EMID1: variants seen among roughly 807,000 people sequenced by gnomAD.
EMID1 encodes the protein EMI domain containing 1, also known as EMI domain-containing protein 1.
In EMID1, 40 loss-of-function variants were observed where a neutral mutation model predicts 60.6. The observed-to-expected ratio is 0.66, with a 90% CI of 0.51 to 0.86. The LOEUF (loss-of-function observed/expected upper bound fraction) is 0.86. Ranked by LOEUF, EMID1 falls within the 40% of genes least tolerant of loss-of-function variation. The pLI is 0.00. For missense variants in EMID1, 585 were observed against 597.1 expected, an observed-to-expected ratio of 0.98 and a Z score of 0.21; for synonymous variants, 242 against 231.0, an observed-to-expected ratio of 1.05 and a Z score of -0.43.
intron 12 of EMID1, among the ~76,000 whole-genome samples, chr22:29,238,395 C>G (rs887670488): frequency 1.4e-5 from 2 of 140,396 alleles, no homozygotes; most frequent in Non-Finnish European, 3.0e-5. Flanking sequence ...GCTGGGACTA[C>G]TGTCATGTGC....
chr22:29,257,832 AGCCATGATCCCAGCTGGCATTGGG>A (rs1388783398), intron 14 of EMID1, among the ~76,000 whole-genome samples: 11 of 152,198 alleles, frequency 7.2e-5, no homozygotes, highest in Non-Finnish European at 1.6e-4. Context: ...AGTGGGACCA[AGCCATGATCCCAGCTGGCATTGGG>A]GCCAGTGCTC....
chr22:29,206,151 CG>C lies in EMID1; in HGVS notation c.101+14del. On this transcript the variant is annotated intron_variant, in intron 1 of 14. Coordinates refer to ENST00000334018, the MANE Select transcript of EMID1 (RefSeq NM_133455.4). ...TTCTCCGGACGCAGGTAAGAGCTCC[CG>C]GCGCCTTTGCACCCCGCTGGCCGAG... The C allele has an allele frequency of 8.1e-7, 1 of 1,229,512 alleles. No homozygotes were observed. The highest frequency in any genetic ancestry group is 4.1e-5 in the South Asian group (1 of 24,284). The allele number at this position is 1,229,512 out of a possible 1,614,324, so 76.2% of individuals were successfully genotyped here.
chr22:29,231,192 C>T (rs374100140), intron 6 of EMID1, 52 bp downstream of exon 6: 59 of 1,537,500 alleles, frequency 3.8e-5, no homozygotes, highest in Non-Finnish European at 4.7e-5. Context: ...GGTTGGGAAT[C>T]GGGGAAGTGG....
At chr22:29,231,502 C>A in intron 6 of EMID1, 91 bp from the exon 7 acceptor site, 1 of 1,383,898 alleles carries the variant, frequency 7.2e-7, no homozygotes, top group Non-Finnish European at 1.0e-6. Context: ...GCTGCTTCCC[C>A]GAAATGGTAG....
chr22:29,224,126 C>T (rs535416494), intron 3 of EMID1, among the ~76,000 whole-genome samples: 42 of 152,228 alleles, frequency 2.8e-4, no homozygotes, highest in Non-Finnish European at 5.4e-4. Flanking sequence ...GAGTGAAGGC[C>T]CCACAATGGG....
intron 12 of EMID1, 41 bp from the exon 13 acceptor site, chr22:29,243,404 C>T (rs539402042): frequency 1.2e-5 from 20 of 1,608,186 alleles, no homozygotes; most frequent in Non-Finnish European, 1.7e-6. Context: ...TTTCTGTCTC[C>T]TTGCCTTCCT....
intron 1 of EMID1, among the ~76,000 whole-genome samples, chr22:29,214,194 A>T (rs1002415796): frequency 6.6e-6 from 1 of 152,174 alleles, no homozygotes. Flanking sequence ...CTCCTCTTGC[A>T]TGCTGGCGGA....
At chr22:29,210,915 AC>A (rs1490908695) in intron 1 of EMID1, among the ~76,000 whole-genome samples, 1 of 151,782 alleles carries the variant, frequency 6.6e-6, no homozygotes, top group Non-Finnish European at 1.5e-5. Flanking sequence ...GGCCAACAGT[AC>A]CCTGCTGGGC....
At chr22:29,245,797 T>C (rs1013432316) in intron 13 of EMID1, among the ~76,000 whole-genome samples, 8 of 152,144 alleles carry the variant, frequency 5.3e-5, no homozygotes, top group Admixed American at 2.6e-4. Flanking sequence ...TCTCACCCCT[T>C]ATTCAGACAG....
chr22:29,222,640 G>A (rs2040341832), intron 3 of EMID1, among the ~76,000 whole-genome samples: 1 of 151,734 alleles, frequency 6.6e-6, no homozygotes, highest in Non-Finnish European at 1.5e-5. Context: ...CTGACCTCAG[G>A]TGATCCACCC....
chr22:29,253,656 G>A (rs922667750), intron 13 of EMID1, among the ~76,000 whole-genome samples: 1 of 152,218 alleles, frequency 6.6e-6, no homozygotes, highest in African/African-American at 2.4e-5. Flanking sequence ...CCCATTGAAA[G>A]TCAAGGAACA....
rs772720530 is a variant in EMID1, at chr22:29,258,819, C to A, written c.1207C>A (p.Pro403Thr). 1.9e-6 allele frequency: 3 copies of A among 1,613,000 alleles called. No individual in the cohort carries two copies. The African/African-American group carries it at 4.0e-5, about 22-fold the overall frequency. Residue 403 changes from proline to threonine, a missense_variant and splice_region_variant, in exon 15 of 15, where the codon CCA becomes ACA. By Grantham distance (38) the Pro-to-Thr change is conservative. Transcript: ENST00000334018. ...ILETMIGLYE[P>T]ELGSGAGPAG... ...TCTCTCCTTCTTCCCTCCGGCAGAA[C>A]CAGAGCTGGGGTCTGGGGCGGGCCC... is the stretch of plus-strand genomic sequence containing the variant.
At chr22:29,248,236 GGT>G (rs1273002822) in intron 13 of EMID1, among the ~76,000 whole-genome samples, 2 of 149,658 alleles carry the variant, frequency 1.3e-5, no homozygotes, top group East Asian at 3.9e-4. Flanking sequence ...TAGGATTCCA[GGT>G]GTGAGACACT....
At position 29,237,476 on chromosome 22, in the gene EMID1, C is replaced by T. The variant is rs539885000; in HGVS notation, c.1074+3127C>T. Reference sequence around the variant, plus strand: ...GGTTACAGGTGTGAGCCACCATGCCCGGCCATGCTCCTCCTTTCTTTATGT... The same window carrying T: ...GGTTACAGGTGTGAGCCACCATGCCTGGCCATGCTCCTCCTTTCTTTATGT... On this transcript the variant is annotated intron_variant, in intron 12 of 14. Coordinates refer to ENST00000334018, the MANE Select transcript of EMID1 (RefSeq NM_133455.4). 1.2e-4 allele frequency among the ~76,000 whole-genome samples: 17 copies of T among 144,272 alleles called. 2 individuals carry two copies. The highest frequency in any genetic ancestry group is 3.5e-3 in the Middle Eastern group (1 of 288). 94.6% of individuals were successfully genotyped at this position (144,272 alleles called of 152,430 possible). A position where few individuals can be genotyped will look rare whatever the true frequency, so the allele number is the denominator to read the frequency against.
chr22:29,245,421 C>T lies in EMID1; in HGVS notation c.1119+1932C>T, dbSNP rs534022547. ...ATGCCCTGGCCACCCTAGACCAGTCCTTGAACCCAGAACCACCTGTGGGCT... is the reference window on the plus strand; with the variant it reads ...ATGCCCTGGCCACCCTAGACCAGTCTTTGAACCCAGAACCACCTGTGGGCT... On this transcript the variant is annotated intron_variant, in intron 13 of 14. Coordinates refer to ENST00000334018, the MANE Select transcript of EMID1 (RefSeq NM_133455.4). 3.3e-5 allele frequency among the ~76,000 whole-genome samples: 5 copies of T among 152,310 alleles called. No individual in the cohort carries two copies. The South Asian group carries it at 1.0e-3, about 32-fold the overall frequency.
In EMID1 at chr22:29,230,999, C is replaced by T. The variant is rs776046646; in HGVS notation, c.466-21C>T. On this transcript the variant is annotated intron_variant, in intron 5 of 14. Coordinates refer to ENST00000334018, the MANE Select transcript of EMID1 (RefSeq NM_133455.4). The stretch of plus-strand genomic sequence containing the variant: ...CCTAGTGAGACCCTGGTACCCACCC[C>T]GTCCCTGTCTTCCTCTTCAGATGAC... The T allele has an allele frequency of 1.2e-5, 19 of 1,607,370 alleles. No homozygotes were observed. In the African/African-American group the frequency reaches 2.0e-4, roughly 17 times the overall value.
intron 14 of EMID1, chr22:29,255,319 C>A (rs954071803): frequency 9.8e-6 from 15 of 1,524,786 alleles, no homozygotes; most frequent in Non-Finnish European, 1.3e-5. Context: ...GCTGGAGCTC[C>A]TGGCCAGACG....
At chr22:29,215,225 T>G in intron 2 of EMID1, 186 bp downstream of exon 2, 4 of 985,452 alleles carry the variant, frequency 4.1e-6, no homozygotes, top group Non-Finnish European at 4.8e-6. Context: ...CCTGGAGGGC[T>G]TCCTGAGGGA....
At chr22:29,253,202 TG>T (rs559470157) in intron 13 of EMID1, among the ~76,000 whole-genome samples, 144 of 152,318 alleles carry the variant, frequency 9.5e-4, no homozygotes, top group Non-Finnish European at 1.8e-3. Context: ...CCCAACACTT[TG>T]GAAGGCTGAG....
Sources: gnomAD v4.1 joint callset for allele counts (sites outside exome capture counted in the v4.1 genomes callset) on GRCh38, gnomAD v4.1.1 for gene constraint, MANE v1.5 for transcripts, NCBI Gene and HGNC (gene_info 2026-07-23, HGNC 2026-07-21) for gene names.